Variants in ST8SIA6 observed in about 807,000 individuals in gnomAD.
ST8SIA6 encodes the protein ST8 alpha-N-acetyl-neuraminide alpha-2,8-sialyltransferase 6.
A neutral mutation model predicts 33.6 loss-of-function variants in ST8SIA6; 39 were observed. That is an observed-to-expected ratio of 1.16 (90% CI 0.90 to 1.52). The LOEUF is 1.52. Among genes scored for constraint, ST8SIA6 ranks in the 40% most tolerant of loss-of-function variants. The pLI is 0.00. For synonymous variants in ST8SIA6, 172 were observed against 167.2 expected, an observed-to-expected ratio of 1.03 and a Z score of -0.22; for missense variants, 441 against 443.8, an observed-to-expected ratio of 0.99 and a Z score of 0.06.
At chr10:17,325,812 CAG>C (rs1160983933) in intron 6 of ST8SIA6, among the ~76,000 whole-genome samples, 1 of 152,050 alleles carries the variant, frequency 6.6e-6, no homozygotes, top group South Asian at 2.1e-4. Flanking sequence ...GAAACATAGA[CAG>C]TTATTTTAGA....
At chr10:17,358,887 A>C (rs534328172) in intron 4 of ST8SIA6, among the ~76,000 whole-genome samples, 65 of 152,292 alleles carry the variant, frequency 4.3e-4, no homozygotes, top group Admixed American at 2.4e-3. Context: ...TGATATGTGG[A>C]GGTATGGGGG....
At chr10:17,362,370 T>C (rs1466708066) in intron 3 of ST8SIA6, among the ~76,000 whole-genome samples, 1 of 152,196 alleles carries the variant, frequency 6.6e-6, no homozygotes, top group Non-Finnish European at 1.5e-5. Context: ...AATTATATTT[T>C]CAATGATGCT....
Position 17,327,074 on chromosome 10 carries a change from C to T in ST8SIA6, c.575G>A (p.Gly192Glu), listed in dbSNP as rs2131580095. 1 of 1,609,824 alleles carries T rather than the reference C, an allele frequency of 6.2e-7. No homozygotes were observed. The highest frequency in any genetic ancestry group is 2.2e-5 in the East Asian group (1 of 44,578). ...ACAGAGAGACTTATTCAGAATTCCCCCATTTCCGACCACTGCACACTGATT... is the reference window on the plus strand; with the variant it reads ...ACAGAGAGACTTATTCAGAATTCCCTCATTTCCGACCACTGCACACTGATT... ...PYNQCAVVGN[G>E]GILNKSLCGT... Residue 192 changes from glycine to glutamate, a missense_variant, in exon 6 of 8, where the codon GGG (glycine) becomes GAG (glutamate). By Grantham distance (98) the Gly-to-Glu change is moderately conservative. Coordinates refer to ENST00000377602, the MANE Select transcript of ST8SIA6 (RefSeq NM_001004470.3).
In ST8SIA6 at chr10:17,423,845, T is replaced by C. The variant is rs1463180929; in HGVS notation, c.200+29714A>G. On this transcript the variant is annotated intron_variant, in intron 2 of 7. Transcript: ENST00000377602. Reference sequence around the variant, plus strand: ...AAATCATCTTCAGAACCACACAATATATATCTTACTAGGTGCTCTGTAGAT... The same window carrying C: ...AAATCATCTTCAGAACCACACAATACATATCTTACTAGGTGCTCTGTAGAT... 3.3e-5 allele frequency among the ~76,000 whole-genome samples: 5 copies of C among 152,298 alleles called. No homozygotes were observed. The East Asian group carries it at 7.7e-4, about 23-fold the overall frequency.
At chr10:17,337,915 A>G (rs1363913091) in intron 4 of ST8SIA6, among the ~76,000 whole-genome samples, 1 of 152,216 alleles carries the variant, frequency 6.6e-6, no homozygotes, top group Non-Finnish European at 1.5e-5. Context: ...CTTCCATGGC[A>G]GTAAATATCC....
chr10:17,387,787 A>G (rs1850436796), intron 3 of ST8SIA6, among the ~76,000 whole-genome samples: 1 of 152,074 alleles, frequency 6.6e-6, no homozygotes, highest in Non-Finnish European at 1.5e-5. Flanking sequence ...AGAGATTGCA[A>G]CTCCTTTTAC....
intron 2 of ST8SIA6, among the ~76,000 whole-genome samples, chr10:17,420,383 G>A (rs1368261981): frequency 6.6e-6 from 1 of 152,194 alleles, no homozygotes; most frequent in Non-Finnish European, 1.5e-5. Flanking sequence ...CTGCACTCCA[G>A]CCTGGGCGAC....
At position 17,378,995 on chromosome 10, in the gene ST8SIA6, A is replaced by G. The variant is rs73595956; in HGVS notation, c.290+11536T>C. Among the ~76,000 whole-genome samples the G allele has an allele frequency of 8.6e-3, 1,306 of 152,074 alleles. 14 individuals are homozygous for G. The highest frequency in any genetic ancestry group is 0.029 in the African/African-American group (1,214 of 41,486). ...CAAAAAATTAGCTGGGCGTGGTGGCAGGCGCCTGTAGTCCCAGCTACTGGG... is the reference window on the plus strand; with the variant it reads ...CAAAAAATTAGCTGGGCGTGGTGGCGGGCGCCTGTAGTCCCAGCTACTGGG... On this transcript the variant is annotated intron_variant, in intron 3 of 7. Transcript: ENST00000377602.
At chr10:17,388,390 G>A (rs1010326128) in intron 3 of ST8SIA6, among the ~76,000 whole-genome samples, 7 of 152,144 alleles carry the variant, frequency 4.6e-5, no homozygotes, top group Non-Finnish European at 1.0e-4. Context: ...AGTTAAACCG[G>A]TTTACCTACC....
At chr10:17,442,825 C>G (rs1042171466) in intron 2 of ST8SIA6, among the ~76,000 whole-genome samples, 2 of 152,148 alleles carry the variant, frequency 1.3e-5, no homozygotes, top group African/African-American at 4.8e-5. Flanking sequence ...TAAACTCAGG[C>G]TATTTTGTCA....
intron 3 of ST8SIA6, among the ~76,000 whole-genome samples, chr10:17,366,830 T>C (rs960785180): frequency 6.6e-6 from 1 of 152,024 alleles, no homozygotes; most frequent in Non-Finnish European, 1.5e-5. Context: ...CTTTCCACCT[T>C]CCATTCTCCT....
intron 2 of ST8SIA6, among the ~76,000 whole-genome samples, chr10:17,440,257 A>G (rs1310312741): frequency 2.1e-5 from 3 of 145,144 alleles, no homozygotes; most frequent in Non-Finnish European, 4.5e-5. Flanking sequence ...CTCAGGCTGG[A>G]GTGCAGTGGC....
intron 5 of ST8SIA6, among the ~76,000 whole-genome samples, chr10:17,331,120 C>T (rs1848285656): frequency 6.6e-6 from 1 of 152,144 alleles, no homozygotes; most frequent in South Asian, 2.1e-4. Context: ...TCTTCACAAG[C>T]CTCAGTAATT....
intron 4 of ST8SIA6, among the ~76,000 whole-genome samples, chr10:17,351,354 T>C (rs1432505913): frequency 6.6e-6 from 1 of 151,542 alleles, no homozygotes; most frequent in Non-Finnish European, 1.5e-5. Flanking sequence ...AACCTCTACC[T>C]CTTCATTTGT....
At chr10:17,397,233 G>GGTT (rs375495540) in intron 2 of ST8SIA6, among the ~76,000 whole-genome samples, 1 of 124,250 alleles carries the variant, frequency 8.0e-6, no homozygotes, top group Non-Finnish European at 1.6e-5. Flanking sequence ...ATTGTTTTTT[G>GGTT]TTTTTTTTTT....
intron 2 of ST8SIA6, among the ~76,000 whole-genome samples, chr10:17,428,597 G>A (rs1852006913): frequency 6.6e-6 from 1 of 152,018 alleles, no homozygotes; most frequent in Non-Finnish European, 1.5e-5. Flanking sequence ...CAGCCGCTGA[G>A]CTGTGTCTCC....
chr10:17,329,038 G>A (rs1848219939), intron 5 of ST8SIA6, among the ~76,000 whole-genome samples: 1 of 152,160 alleles, frequency 6.6e-6, no homozygotes. Flanking sequence ...GAGCAGTCCG[G>A]AGTGACAGAA....
At chr10:17,399,500 C>A (rs1201252404) in intron 2 of ST8SIA6, among the ~76,000 whole-genome samples, 1 of 152,144 alleles carries the variant, frequency 6.6e-6, no homozygotes, top group Non-Finnish European at 1.5e-5. Flanking sequence ...ATAGTATCTG[C>A]TTAGTTGGCT....
chr10:17,379,191 T>C (rs1051442188), intron 3 of ST8SIA6, among the ~76,000 whole-genome samples: 91 of 151,022 alleles, frequency 6.0e-4, no homozygotes, highest in African/African-American at 2.1e-3. Flanking sequence ...AGGCAACTTG[T>C]AGAGAAATAC....
Sources: allele counts gnomAD v4.1 joint callset (sites outside exome capture counted in the v4.1 genomes callset), GRCh38; gene constraint gnomAD v4.1.1; transcripts MANE v1.5; gene names NCBI Gene and HGNC (gene_info 2026-07-23, HGNC 2026-07-21).